Variants in PUDP observed in about 807,000 individuals in gnomAD.
PUDP encodes pseudouridine 5'-phosphatase.
Under a neutral mutation model 9.4 loss-of-function variants are expected in PUDP, and 8 were observed. That is an observed-to-expected ratio of 0.85 (90% CI 0.50 to 1.53). The LOEUF (loss-of-function observed/expected upper bound fraction) is 1.53. Ranked by LOEUF, PUDP falls within the 40% of genes most tolerant of loss-of-function variation. PUDP has a pLI of 0.00. For synonymous variants in PUDP, 99 were observed against 80.7 expected (o/e 1.23, Z -1.22); for missense variants, 188 against 189.7 (o/e 0.99, Z 0.05).
intron 3 of PUDP, among the ~76,000 whole-genome samples, chrX:6,865,374 C>A (rs1441732806): frequency 1.8e-5 from 2 of 112,281 alleles, no homozygotes; most frequent in East Asian, 2.8e-4. Flanking sequence ...TTTCTAAATT[C>A]TCTCTCATTC....
chrX:6,932,536 G>C (rs986031347), intron 3 of PUDP, among the ~76,000 whole-genome samples: 2 of 111,593 alleles, frequency 1.8e-5, no homozygotes, highest in African/African-American at 3.3e-5. Context: ...AGCTCCCAGC[G>C]TGAGCGACGC....
intron 3 of PUDP, among the ~76,000 whole-genome samples, chrX:6,852,802 C>T (rs183962278): frequency 2.3e-4 from 26 of 111,477 alleles, no homozygotes; most frequent in African/African-American, 8.1e-4. Context: ...AGGTATCACC[C>T]GGAGTTCTTT....
chrX:6,716,219 G>C (rs1403054229), intron 1 of PUDP, among the ~76,000 whole-genome samples: 1 of 111,607 alleles, frequency 9.0e-6, no homozygotes, highest in African/African-American at 3.3e-5. Flanking sequence ...TATGTAAGCT[G>C]GTGGAATGGC....
chrX:7,095,524 G>A lies in PUDP; in HGVS notation c.280+10096C>T, dbSNP rs572344162. On this transcript the variant is annotated intron_variant, in intron 2 of 3. Coordinates refer to ENST00000381077, the MANE Select transcript of PUDP (RefSeq NM_012080.5). ...GTTCCTAGGCACTGTCCATCTTAATGAGACTCGAAGCCCCAACACCCTGGG... is the reference window on the plus strand; with the variant it reads ...GTTCCTAGGCACTGTCCATCTTAATAAGACTCGAAGCCCCAACACCCTGGG... Among the ~76,000 whole-genome samples the A allele has an allele frequency of 4.5e-5, 5 of 112,286 alleles. No homozygotes were observed. The East Asian group carries it at 1.1e-3, about 25-fold the overall frequency.
At chrX:7,091,456 A>T (rs188974198) in intron 2 of PUDP, among the ~76,000 whole-genome samples, 2 of 111,773 alleles carry the variant, frequency 1.8e-5, no homozygotes, top group East Asian at 5.6e-4. Flanking sequence ...CTCCTGCCTC[A>T]GCCTCTCAAG....
At chrX:6,808,404 A>T (rs1340413952) in intron 3 of PUDP, among the ~76,000 whole-genome samples, 2 of 112,151 alleles carry the variant, frequency 1.8e-5, no homozygotes, top group African/African-American at 6.5e-5. Flanking sequence ...AAAATTCATA[A>T]ATATGAAATT....
intron 1 of PUDP, among the ~76,000 whole-genome samples, chrX:7,012,851 G>A (rs2146815321): frequency 9.0e-6 from 1 of 110,657 alleles, no homozygotes; most frequent in Admixed American, 9.6e-5. Flanking sequence ...GATCTCAAAG[G>A]CATTTTCTTC....
intron 3 of PUDP, among the ~76,000 whole-genome samples, chrX:6,820,258 C>CACAATACATGGGAATTCTGGGAGAT (rs1926319952): frequency 1.8e-5 from 2 of 110,740 alleles, no homozygotes; most frequent in Non-Finnish European, 3.8e-5. Context: ...GGGTCCCTCC[C>CACAATACATGGGAATTCTGGGAGAT]ACAATACATG....
At chrX:6,742,143 G>A (rs1356785816) in intron 3 of PUDP, among the ~76,000 whole-genome samples, 2 of 111,510 alleles carry the variant, frequency 1.8e-5, no homozygotes, top group South Asian at 3.8e-4. Flanking sequence ...CACCAGGCCC[G>A]GCCTTCCCTC....
chrX:6,828,718 T>G (rs1926461821), intron 3 of PUDP, among the ~76,000 whole-genome samples: 1 of 111,515 alleles, frequency 9.0e-6, no homozygotes, highest in African/African-American at 3.3e-5. Flanking sequence ...TCCCTCCCCC[T>G]AACTACAGCT....
intron 3 of PUDP, among the ~76,000 whole-genome samples, chrX:6,929,930 A>C: frequency 9.0e-6 from 1 of 111,047 alleles, no homozygotes; most frequent in Non-Finnish European, 1.9e-5. Context: ...CTTTCATATG[A>C]TAGGGCTGTG....
intron 3 of PUDP, among the ~76,000 whole-genome samples, chrX:6,827,700 T>C (rs1926444571): frequency 8.9e-6 from 1 of 111,879 alleles, no homozygotes; most frequent in Non-Finnish European, 1.9e-5. Context: ...AAAAGTCCCA[T>C]TGAGAAGCAC....
chrX:6,961,301 A>T (rs1928704946), intron 3 of PUDP, among the ~76,000 whole-genome samples: 1 of 110,549 alleles, frequency 9.0e-6, no homozygotes, highest in African/African-American at 3.3e-5. Flanking sequence ...TGAGAGTATC[A>T]CCTGAGCCTG....
At chrX:6,754,183 A>C (rs761230370) in intron 3 of PUDP, among the ~76,000 whole-genome samples, 36 of 111,650 alleles carry the variant, frequency 3.2e-4, no homozygotes, top group Non-Finnish European at 5.5e-4. Context: ...GAGGTAATTG[A>C]ATCATGGGGG....
intron 1 of PUDP, among the ~76,000 whole-genome samples, chrX:7,110,169 T>C (rs1330173112): frequency 8.9e-6 from 1 of 112,132 alleles, no homozygotes; most frequent in Non-Finnish European, 1.9e-5. Flanking sequence ...CGGGGGCTTA[T>C]GGGAGGCATT....
chrX:6,850,944 G>A (rs889546833), intron 3 of PUDP, among the ~76,000 whole-genome samples: 44 of 111,805 alleles, frequency 3.9e-4, no homozygotes, highest in Non-Finnish European at 7.9e-4. Context: ...AGCCTCCTTA[G>A]GGAAAAAGAT....
At chrX:7,029,415 A>C (rs2146825442) in intron 1 of PUDP, among the ~76,000 whole-genome samples, 1 of 112,283 alleles carries the variant, frequency 8.9e-6, no homozygotes, top group East Asian at 2.8e-4. Flanking sequence ...TGGTCGCTTA[A>C]ATAACGACAT....
chrX:7,093,458 C>T (rs754173307), intron 2 of PUDP, among the ~76,000 whole-genome samples: 2 of 112,040 alleles, frequency 1.8e-5, no homozygotes, highest in East Asian at 2.8e-4. Context: ...CTACTACTGG[C>T]GCCAGGAGGC....
intron 3 of PUDP, among the ~76,000 whole-genome samples, chrX:6,944,007 A>C (rs1451639853): frequency 3.6e-5 from 4 of 111,740 alleles, no homozygotes; most frequent in Non-Finnish European, 7.5e-5. Flanking sequence ...GGAGCCAACT[A>C]TCTAAGATCT....
Sources: allele counts gnomAD v4.1 joint callset (sites outside exome capture counted in the v4.1 genomes callset), GRCh38; gene constraint gnomAD v4.1.1; transcripts MANE v1.5; gene names NCBI Gene and HGNC (gene_info 2026-07-23, HGNC 2026-07-21).